NEGR1: variants seen among roughly 807,000 people sequenced by gnomAD.
The protein encoded by NEGR1 is neuronal growth regulator 1.
Under a neutral mutation model 40.9 loss-of-function variants are expected in NEGR1, and 10 were observed. That is an observed-to-expected ratio of 0.24 (90% CI 0.15 to 0.42). The LOEUF is 0.42. Among genes scored for constraint, NEGR1 ranks in the 10% least tolerant of loss-of-function variants. NEGR1 has a pLI of 1.00. For synonymous variants in NEGR1, 185 were observed against 166.8 expected (o/e 1.11, Z -0.84); for missense variants, 352 against 438.9 (o/e 0.80, Z 1.77).
intron 1 of NEGR1, among the ~76,000 whole-genome samples, chr1:72,089,433 C>T (rs1218373760): frequency 6.6e-6 from 1 of 152,112 alleles, no homozygotes; most frequent in Non-Finnish European, 1.5e-5. Context: ...AAAAGCATTA[C>T]CTATTACCAC....
intron 6 of NEGR1, among the ~76,000 whole-genome samples, chr1:71,447,247 G>GAAAAATTGT (rs1449380344): frequency 1.3e-5 from 2 of 152,106 alleles, no homozygotes; most frequent in African/African-American, 4.8e-5. Flanking sequence ...CAAGTCCTTG[G>GAAAAATTGT]AAAAATTGTA....
At chr1:72,209,791 C>G (rs112762133) in intron 1 of NEGR1, among the ~76,000 whole-genome samples, 4 of 151,896 alleles carry the variant, frequency 2.6e-5, no homozygotes, top group South Asian at 4.1e-4. Flanking sequence ...AAACGGACAA[C>G]TATGGTACTA....
At chr1:72,035,655 T>A (rs967431525) in intron 1 of NEGR1, among the ~76,000 whole-genome samples, 1 of 152,094 alleles carries the variant, frequency 6.6e-6, no homozygotes, top group Non-Finnish European at 1.5e-5. Flanking sequence ...TGAAGCATAC[T>A]CAGAAAGAAA....
chr1:72,189,135 T>C (rs1201486207), intron 1 of NEGR1, among the ~76,000 whole-genome samples: 1 of 151,500 alleles, frequency 6.6e-6, no homozygotes, highest in East Asian at 1.9e-4. Flanking sequence ...AAATGATAAA[T>C]TGCACTTTTG....
intron 2 of NEGR1, among the ~76,000 whole-genome samples, chr1:71,883,874 C>T (rs1348256499): frequency 6.6e-6 from 1 of 151,918 alleles, no homozygotes; most frequent in African/African-American, 2.4e-5. Context: ...AATATTGACT[C>T]AGCTTGAAAA....
At chr1:71,538,100 ATAAGGTATCATGTAAAATAAC>A (rs1017582797) in intron 6 of NEGR1, among the ~76,000 whole-genome samples, 2 of 151,704 alleles carry the variant, frequency 1.3e-5, no homozygotes, top group African/African-American at 4.8e-5. Context: ...ATGTGGGAAA[ATAAGGTATCATGTAAAATAAC>A]ATTTTACTTC....
intron 2 of NEGR1, among the ~76,000 whole-genome samples, chr1:71,856,458 C>T (rs1659769859): frequency 6.6e-6 from 1 of 151,968 alleles, no homozygotes; most frequent in African/African-American, 2.4e-5. Context: ...CATGTGTTCT[C>T]TATTGTGTGT....
At chr1:71,971,021 A>G (rs1181073733) in intron 1 of NEGR1, among the ~76,000 whole-genome samples, 30 of 152,186 alleles carry the variant, frequency 2.0e-4, no homozygotes, top group Non-Finnish European at 2.9e-5. Context: ...ACATGAAATC[A>G]TCCTGAACTC....
At chr1:71,694,139 G>A (rs1251062013) in intron 4 of NEGR1, among the ~76,000 whole-genome samples, 2 of 151,512 alleles carry the variant, frequency 1.3e-5, no homozygotes, top group East Asian at 1.9e-4. Flanking sequence ...GTGTCCACAA[G>A]GCTTCTGCTA....
At chr1:72,239,559 T>G (rs1321359240) in intron 1 of NEGR1, among the ~76,000 whole-genome samples, 1 of 151,724 alleles carries the variant, frequency 6.6e-6, no homozygotes, top group Non-Finnish European at 1.5e-5. Flanking sequence ...ATTCTGAAAC[T>G]GAAATCTAAA....
intron 2 of NEGR1, among the ~76,000 whole-genome samples, chr1:71,833,733 A>G (rs1658919590): frequency 6.6e-6 from 1 of 152,048 alleles, no homozygotes; most frequent in South Asian, 2.1e-4. Context: ...TTTTCTATAG[A>G]GTGAGCTGAA....
intron 6 of NEGR1, 151 bp from the exon 7 acceptor site, chr1:71,407,721 C>T (rs923594215): frequency 1.7e-5 from 11 of 641,748 alleles, no homozygotes; most frequent in African/African-American, 1.1e-4. Flanking sequence ...TATATGACAA[C>T]GTGTGGGCTA....
chr1:72,119,741 A>G (rs1252302813), intron 1 of NEGR1, among the ~76,000 whole-genome samples: 2 of 151,874 alleles, frequency 1.3e-5, no homozygotes, highest in Non-Finnish European at 2.9e-5. Flanking sequence ...GGATACTGTT[A>G]AATGTCCCAC....
chr1:71,833,369 T>C (rs954640301), intron 2 of NEGR1, among the ~76,000 whole-genome samples: 1 of 152,088 alleles, frequency 6.6e-6, no homozygotes, highest in African/African-American at 2.4e-5. Flanking sequence ...TACCACTAAC[T>C]ACTATCAGTG....
At chr1:71,744,733 A>G (rs868028886) in intron 3 of NEGR1, among the ~76,000 whole-genome samples, 1 of 152,152 alleles carries the variant, frequency 6.6e-6, no homozygotes, top group South Asian at 2.1e-4. Flanking sequence ...CACAAGTTCA[A>G]TCTTAGTTTT....
chr1:72,058,055 G>T (rs1647128335), intron 1 of NEGR1, among the ~76,000 whole-genome samples: 1 of 151,384 alleles, frequency 6.6e-6, no homozygotes, highest in African/African-American at 2.4e-5. Flanking sequence ...TACTGACTTA[G>T]TTGGGAAACA....
intron 2 of NEGR1, among the ~76,000 whole-genome samples, chr1:71,927,415 T>C (rs941477806): frequency 2.0e-5 from 3 of 152,132 alleles, no homozygotes; most frequent in Admixed American, 6.6e-5. Flanking sequence ...AAAATAATCT[T>C]AGATCTGAAT....
At position 72,203,863 on chromosome 1, in the gene NEGR1, C is replaced by G. The variant is rs374613871; in HGVS notation, c.176+78456G>C. ...AAACGATTATGACTTATTGAAGGCT[C>G]AGAGGATTGTTAGCATCTTTTTAGC... On this transcript the variant is annotated intron_variant, in intron 1 of 6. Coordinates refer to ENST00000357731, the MANE Select transcript of NEGR1 (RefSeq NM_173808.3). Among the ~76,000 whole-genome samples the G allele has an allele frequency of 7.9e-5, 12 of 152,054 alleles. No individual in the cohort carries two copies. In the East Asian group the frequency reaches 2.1e-3, roughly 27 times the overall value.
intron 6 of NEGR1, among the ~76,000 whole-genome samples, chr1:71,442,416 A>G (rs1203184002): frequency 3.3e-5 from 5 of 151,992 alleles, no homozygotes; most frequent in Admixed American, 1.3e-4. Context: ...GGAGTTCGAG[A>G]CCAGCCTGGA....
Sources: allele counts gnomAD v4.1 joint callset (sites outside exome capture counted in the v4.1 genomes callset), GRCh38; gene constraint gnomAD v4.1.1; transcripts MANE v1.5; gene names NCBI Gene and HGNC (gene_info 2026-07-23, HGNC 2026-07-21).